Variants in ZEB2 observed in about 807,000 individuals in gnomAD.
ZEB2 encodes the protein zinc finger E-box-binding homeobox 2.
ZEB2 carries 6 observed loss-of-function variants against 99.9 expected under a neutral mutation model. That is an observed-to-expected ratio of 0.06 (90% CI 0.03 to 0.12). The LOEUF is 0.12. Ranked by LOEUF, ZEB2 falls within the 10% of genes least tolerant of loss-of-function variation. The probability of loss-of-function intolerance (pLI) is 1.00; values close to 1 mark genes in which losing one functional copy is unlikely to be tolerated. For missense variants in ZEB2, 969 were observed against 1,502.8 expected (o/e 0.64, Z 5.87); for synonymous variants, 517 against 542.5 (o/e 0.95, Z 0.65).
At chr2:144,418,548 C>T (rs866258362) in intron 4 of ZEB2, among the ~76,000 whole-genome samples, 9 of 151,868 alleles carry the variant, frequency 5.9e-5, no homozygotes, top group African/African-American at 1.9e-4. Flanking sequence ...ATTAGCCGGG[C>T]GTGGTGGCGC....
At chr2:144,480,454 G>A (rs1704494018) in intron 2 of ZEB2, among the ~76,000 whole-genome samples, 1 of 152,122 alleles carries the variant, frequency 6.6e-6, no homozygotes, top group Non-Finnish European at 1.5e-5. Context: ...TCTCTGCATA[G>A]CAACCCAAGT....
At chr2:144,465,196 T>A (rs2114593) in intron 2 of ZEB2, among the ~76,000 whole-genome samples, 1 of 152,140 alleles carries the variant, frequency 6.6e-6, no homozygotes, top group Non-Finnish European at 1.5e-5. Context: ...TAACTCTTTA[T>A]ATGTTGTAGT....
At chr2:144,392,020 A>C (rs1703160561) in intron 9 of ZEB2, among the ~76,000 whole-genome samples, 1 of 152,200 alleles carries the variant, frequency 6.6e-6, no homozygotes, top group Non-Finnish European at 1.5e-5. Flanking sequence ...TTAATGTTAG[A>C]TCATGTTATT....
rs533637050 is a variant in ZEB2 at position 144,388,890 on chromosome 2, G to GA, written c.*560dup. The GA allele has an allele frequency of 0.091, 27,168 of 298,326 alleles. 125 individuals carry two copies. The highest frequency in any genetic ancestry group is 0.13 in the South Asian group (4,799 of 37,804). 18.5% of individuals were successfully genotyped at this position (298,326 alleles called of 1,614,324 possible). ...ATGCATCACTTCAAGTTCCTTCACA[G>GA]AAAAAAAAAAAAATTGAGGCCTAAA... On this transcript the variant is annotated 3_prime_UTR_variant, in exon 10 of 10. Coordinates refer to ENST00000627532, the MANE Select transcript of ZEB2 (RefSeq NM_014795.4). The surrounding 1 kb of genome is among the most constrained non-coding windows in gnomAD (Gnocchi z 5.4).
intron 2 of ZEB2, among the ~76,000 whole-genome samples, chr2:144,510,999 G>A (rs1478238991): frequency 2.0e-5 from 3 of 152,066 alleles, no homozygotes; most frequent in South Asian, 4.2e-4. Flanking sequence ...GTGTCTTCCC[G>A]GAGAGGCAAA....
chr2:144,513,934 C>T (rs767648646), intron 2 of ZEB2: 11 of 1,460,986 alleles, frequency 7.5e-6, no homozygotes, highest in Non-Finnish European at 9.1e-6. Context: ...TTCTTGAAAC[C>T]GACACACATT....
intron 2 of ZEB2, among the ~76,000 whole-genome samples, chr2:144,517,003 G>T (rs1413438494): frequency 2.0e-5 from 3 of 149,792 alleles, no homozygotes; most frequent in East Asian, 2.0e-4. Flanking sequence ...GGGCTCGAGG[G>T]GGGCAGCGGG....
intron 2 of ZEB2, among the ~76,000 whole-genome samples, chr2:144,478,632 T>C (rs909992093): frequency 7.9e-5 from 12 of 152,238 alleles, no homozygotes; most frequent in African/African-American, 2.7e-4. Context: ...GTCCAGTAAT[T>C]TGCCAAACAA....
chr2:144,449,424 C>G (rs1331812185), intron 2 of ZEB2, among the ~76,000 whole-genome samples: 1 of 152,182 alleles, frequency 6.6e-6, no homozygotes, highest in African/African-American at 2.4e-5. Flanking sequence ...ACAGCTCCCC[C>G]TTCCACTCCA....
chr2:144,472,459 G>A (rs1291584444), intron 2 of ZEB2, among the ~76,000 whole-genome samples: 1 of 152,030 alleles, frequency 6.6e-6, no homozygotes, highest in African/African-American at 2.4e-5. Context: ...TGTGATTGGG[G>A]AGTCCTATGA....
intron 2 of ZEB2, among the ~76,000 whole-genome samples, chr2:144,510,230 CAG>C (rs1026630442): frequency 6.6e-6 from 1 of 151,406 alleles, no homozygotes; most frequent in African/African-American, 2.4e-5. Flanking sequence ...CATAAAAAGT[CAG>C]GGGGAAAAAT....
intron 2 of ZEB2, among the ~76,000 whole-genome samples, chr2:144,486,925 C>T (rs2149917085): frequency 6.6e-6 from 1 of 152,108 alleles, no homozygotes; most frequent in South Asian, 2.1e-4. Context: ...TTTTGGGGCT[C>T]AAACATTATT....
chr2:144,488,270 C>G (rs943900579), intron 2 of ZEB2, among the ~76,000 whole-genome samples: 1 of 152,152 alleles, frequency 6.6e-6, no homozygotes, highest in Non-Finnish European at 1.5e-5. Context: ...GCACCTTAGG[C>G]TTATTAAAAT....
intron 2 of ZEB2, among the ~76,000 whole-genome samples, chr2:144,437,052 G>C (rs1560623860): frequency 6.6e-6 from 1 of 152,104 alleles, no homozygotes; most frequent in Non-Finnish European, 1.5e-5. Context: ...AAGGAAACTA[G>C]TCATTGTATT....
Position 144,398,672 on chromosome 2 carries a change from C to A in ZEB2, c.2515G>T (p.Ala839Ser). The A allele has an allele frequency of 1.2e-6, 2 of 1,613,860 alleles. No homozygotes were observed. The highest frequency in any genetic ancestry group is 1.7e-6 in the Non-Finnish European group (2 of 1,179,956). Reference sequence around the variant, plus strand: ...TTATGATCTAAACTGATGCTACTAGCTTTTGTTTTGTTCTTTGTGGCTATA... The same window carrying A: ...TTATGATCTAAACTGATGCTACTAGATTTTGTTTTGTTCTTTGTGGCTATA... ...SIIATKNKTK[A>S]SSISLDHNSV... Residue 839 changes from alanine to serine, a missense_variant, in exon 8 of 10, where the codon GCT becomes TCT. Ala to Ser is a moderately conservative substitution (Grantham distance 99, BLOSUM62 1). Coordinates refer to ENST00000627532, the MANE Select transcript of ZEB2 (RefSeq NM_014795.4).
chr2:144,511,341 C>G, intron 2 of ZEB2: 1 of 1,129,160 alleles, frequency 8.9e-7, no homozygotes. Flanking sequence ...AAACACAAGA[C>G]AAAACACACA....
intron 4 of ZEB2, among the ~76,000 whole-genome samples, chr2:144,420,036 C>T (rs1703599148): frequency 6.6e-6 from 1 of 152,106 alleles, no homozygotes; most frequent in Non-Finnish European, 1.5e-5. Flanking sequence ...GAATGTTTTC[C>T]CCTACTGTGG....
intron 2 of ZEB2, chr2:144,430,424 T>C: frequency 4.1e-6 from 1 of 243,132 alleles, no homozygotes; most frequent in Non-Finnish European, 8.8e-6. Context: ...TATAATGTTG[T>C]ACTATAAATA....
At chr2:144,489,287 A>G (rs998654684) in intron 2 of ZEB2, among the ~76,000 whole-genome samples, 1 of 152,200 alleles carries the variant, frequency 6.6e-6, no homozygotes, top group Non-Finnish European at 1.5e-5. Flanking sequence ...CAATCCACAG[A>G]GATTTTTTCA....
Sources: allele counts gnomAD v4.1 joint callset (sites outside exome capture counted in the v4.1 genomes callset), GRCh38; gene constraint gnomAD v4.1.1; non-coding constraint Gnocchi (gnomAD v3.1); transcripts MANE v1.5; gene names NCBI Gene and HGNC (gene_info 2026-07-23, HGNC 2026-07-21).